The following KPNA3 variants were observed in gnomAD, a reference collection of about 807,000 sequenced individuals.
KPNA3 encodes importin subunit alpha-4.
KPNA3 carries 13 observed loss-of-function variants against 73.8 expected under a neutral mutation model. The ratio of observed to expected loss-of-function variants is 0.18; its 90% CI spans 0.11 to 0.28. The LOEUF (loss-of-function observed/expected upper bound fraction) is 0.28. Among genes scored for constraint, KPNA3 ranks in the 10% least tolerant of loss-of-function variants. The pLI is 1.00. For synonymous variants in KPNA3, 186 were observed against 206.9 expected, an observed-to-expected ratio of 0.90 and a Z score of 0.87; for missense variants, 360 against 618.1, an observed-to-expected ratio of 0.58 and a Z score of 4.43.
intron 12 of KPNA3, among the ~76,000 whole-genome samples, chr13:49,707,154 A>G (rs1303176972): frequency 6.6e-6 from 1 of 152,254 alleles, no homozygotes; most frequent in Admixed American, 6.5e-5. Context: ...TCATTCAAGT[A>G]TTCCATAAAA....
chr13:49,704,334 A>T (rs1954180003), intron 15 of KPNA3, among the ~76,000 whole-genome samples: 1 of 151,992 alleles, frequency 6.6e-6, no homozygotes, highest in African/African-American at 2.4e-5. Context: ...GAGGTAGGAG[A>T]ATTGCTTAAA....
intron 1 of KPNA3, 81 bp downstream of exon 1, chr13:49,792,357 G>A (rs1334020946): frequency 1.9e-5 from 18 of 961,824 alleles, no homozygotes; most frequent in Non-Finnish European, 2.4e-5. Context: ...ACGAGAACCA[G>A]CCCGGCGCCG....
chr13:49,731,619 C>G (rs1480889676), intron 6 of KPNA3, among the ~76,000 whole-genome samples: 2 of 152,046 alleles, frequency 1.3e-5, no homozygotes, highest in Non-Finnish European at 2.9e-5. Flanking sequence ...CCTTGGACAA[C>G]ATTTAGCAAA....
At position 49,792,511 on chromosome 13, in the gene KPNA3, G is replaced by A. The variant is rs1955043637; in HGVS notation, c.-5C>T. On this transcript the variant is annotated 5_prime_UTR_variant, in exon 1 of 17. Transcript: ENST00000261667. ...CAAGCTGGGGTTCTCGGCCATGGCTGCGCGCGGCTCCGGCGGCGGCTACTC... is the reference window on the plus strand; with the variant it reads ...CAAGCTGGGGTTCTCGGCCATGGCTACGCGCGGCTCCGGCGGCGGCTACTC... The A allele has an allele frequency of 1.3e-6, 2 of 1,568,150 alleles. No individual in the cohort carries two copies. Among genetic ancestry groups the A allele is most frequent in the Non-Finnish European group, 8.6e-7 (1 of 1,156,108 alleles).
chr13:49,737,909 A>C (rs560110231), intron 2 of KPNA3, among the ~76,000 whole-genome samples: 1 of 152,120 alleles, frequency 6.6e-6, no homozygotes, highest in Admixed American at 6.6e-5. Context: ...CACACAGCAA[A>C]ATTTTTAATT....
At position 49,792,496 on chromosome 13, in the gene KPNA3, T is replaced by C. The variant is rs775628381; in HGVS notation, c.11A>G (p.Asn4Ser). 6.3e-7 allele frequency: 1 copy of C among 1,578,954 alleles called. No homozygotes were observed. Among genetic ancestry groups the C allele is most frequent in the Non-Finnish European group, 8.6e-7 (1 of 1,164,298 alleles). MAE[N>S]PSLENHRIKS... Reference sequence around the variant, plus strand: ...GATGCGGTGGTTCTCCAAGCTGGGGTTCTCGGCCATGGCTGCGCGCGGCTC... The same window carrying C: ...GATGCGGTGGTTCTCCAAGCTGGGGCTCTCGGCCATGGCTGCGCGCGGCTC... The change falls in exon 1 of 17, where the codon AAC becomes AGC. Residue 4 changes from asparagine to serine, a missense_variant. Physicochemically the swap from Asn to Ser is conservative, Grantham distance 46 (BLOSUM62 1). This residue lies in a region of KPNA3 where 35 missense variants were observed against 30.0 expected (regional missense o/e 1.17). Coordinates refer to ENST00000261667, the MANE Select transcript of KPNA3 (RefSeq NM_002267.4).
intron 8 of KPNA3, 96 bp downstream of exon 8, chr13:49,722,381 C>A: frequency 1.2e-6 from 1 of 802,972 alleles, no homozygotes; most frequent in South Asian, 1.8e-5. Context: ...AGTCAACACA[C>A]ATTAAATTCA....
intron 1 of KPNA3, among the ~76,000 whole-genome samples, chr13:49,773,085 T>C (rs1954868396): frequency 6.6e-6 from 1 of 152,164 alleles, no homozygotes; most frequent in Non-Finnish European, 1.5e-5. Context: ...ATATTAATGT[T>C]AATATTAAGT....
chr13:49,710,908 G>T lies in KPNA3; in HGVS notation c.886C>A (p.Gln296Lys). ...VPFLVPLLSH[Q>K]EVKVQTAALR... The stretch of plus-strand genomic sequence containing the variant: ...ATACTTACTTGAACTTTGACTTCCT[G>T]ATGGCTCAGAAGGGGCACAAGAAAG... Residue 296 changes from glutamine (Q) to lysine (K), a missense_variant, in exon 11 of 17, where the codon CAG becomes AAG. Gln to Lys is a moderately conservative substitution (Grantham distance 53, BLOSUM62 1). This residue lies in a region of KPNA3 where 287 missense variants were observed against 549.1 expected (regional missense o/e 0.52). Coordinates refer to ENST00000261667, the MANE Select transcript of KPNA3 (RefSeq NM_002267.4). The T allele has an allele frequency of 6.2e-7, 1 of 1,613,126 alleles. No individual in the cohort carries two copies. Among genetic ancestry groups the T allele is most frequent in the African/African-American group, 1.3e-5 (1 of 74,954 alleles).
At chr13:49,746,554 A>G (rs994125271) in intron 2 of KPNA3, among the ~76,000 whole-genome samples, 1 of 152,232 alleles carries the variant, frequency 6.6e-6, no homozygotes, top group Admixed American at 6.5e-5. Context: ...AAGAAAATAC[A>G]ATAAATTTTA....
rs1338338105 is a variant in KPNA3, at chr13:49,732,766, G to T, written c.215C>A (p.Thr72Asn). The T allele has an allele frequency of 2.5e-6, 4 of 1,569,712 alleles. No homozygotes were observed. The highest frequency in any genetic ancestry group is 3.5e-6 in the Non-Finnish European group (4 of 1,150,042). The change falls in exon 4 of 17, where the codon ACC (threonine) becomes AAC (asparagine). Residue 72 changes from threonine to asparagine, a missense_variant. By Grantham distance (65) the Thr-to-Asn change is moderately conservative (BLOSUM62 0). This residue lies in a region of KPNA3 where 287 missense variants were observed against 549.1 expected (regional missense o/e 0.52). Coordinates refer to ENST00000261667, the MANE Select transcript of KPNA3 (RefSeq NM_002267.4). Reference protein sequence around the residue: ...VDADFKAQNVTLEAILQNATS... With the variant: ...VDADFKAQNVNLEAILQNATS... The stretch of plus-strand genomic sequence containing the variant: ...ACATACCTGCAATATAGCTTCTAGG[G>T]TTACATTTTGCTTAAAAAGAAAAAA...
At position 49,702,366 on chromosome 13, in the gene KPNA3, C is replaced by A; in HGVS notation, c.1467+20G>T. 1 of 1,186,944 alleles carries A rather than the reference C, an allele frequency of 8.4e-7. No individual in the cohort carries two copies. Among genetic ancestry groups the A allele is most frequent in the Non-Finnish European group, 1.2e-6 (1 of 806,760 alleles). The allele number at this position is 1,186,944 out of a possible 1,614,324, so 73.5% of individuals were successfully genotyped here. On this transcript the variant is annotated intron_variant, in intron 16 of 16. Transcript: ENST00000261667. The stretch of plus-strand genomic sequence containing the variant: ...GTTTTCATTTACATGAAGATACACG[C>A]TATTTTAATATCTACTTACATCATC...
intron 10 of KPNA3, among the ~76,000 whole-genome samples, chr13:49,716,530 C>T (rs538333392): frequency 6.6e-6 from 1 of 152,230 alleles, no homozygotes; most frequent in East Asian, 1.9e-4. Context: ...CCTCCACCTC[C>T]CCGACTCAAG....
chr13:49,733,067 G>A lies in KPNA3; in HGVS notation c.115-21C>T, dbSNP rs752705933. 6.2e-6 allele frequency: 9 copies of A among 1,461,462 alleles called. No individual in the cohort carries two copies. In the Admixed American group the frequency reaches 6.9e-5, roughly 11 times the overall value. 90.5% of individuals were successfully genotyped at this position (1,461,462 alleles called of 1,614,324 possible). Reference sequence around the variant, plus strand: ...TTGTTCTGAAAGGCAACCAATAAATGCTTAAGAAGTCATAAGGACTACTGT... The same window carrying A: ...TTGTTCTGAAAGGCAACCAATAAATACTTAAGAAGTCATAAGGACTACTGT... On this transcript the variant is annotated intron_variant, in intron 2 of 16. Transcript: ENST00000261667.
intron 2 of KPNA3, among the ~76,000 whole-genome samples, chr13:49,738,789 T>G (rs1242529930): frequency 6.6e-6 from 1 of 152,240 alleles, no homozygotes; most frequent in Admixed American, 6.5e-5. Flanking sequence ...CGGACAGTTT[T>G]AGTTCTTCCT....
chr13:49,740,533 C>T (rs1257932163), intron 2 of KPNA3, among the ~76,000 whole-genome samples: 3 of 152,072 alleles, frequency 2.0e-5, no homozygotes, highest in Non-Finnish European at 2.9e-5. Context: ...GATCTGATGG[C>T]TTTAAAAACA....
intron 10 of KPNA3, among the ~76,000 whole-genome samples, chr13:49,718,938 A>T (rs1358500762): frequency 6.6e-6 from 1 of 150,814 alleles, no homozygotes; most frequent in East Asian, 2.0e-4. Context: ...ACATATACAC[A>T]TATGTATGTA....
At chr13:49,740,238 C>A (rs1349668999) in intron 2 of KPNA3, among the ~76,000 whole-genome samples, 2 of 151,172 alleles carry the variant, frequency 1.3e-5, no homozygotes, top group East Asian at 3.9e-4. Flanking sequence ...CAGAATGAGA[C>A]CCCATCTCAG....
intron 1 of KPNA3, among the ~76,000 whole-genome samples, chr13:49,771,311 C>A (rs942195005): frequency 1.3e-5 from 2 of 152,150 alleles, no homozygotes; most frequent in African/African-American, 4.8e-5. Context: ...TTACTTAGAT[C>A]TTTCTTTCAA....
Sources: allele counts gnomAD v4.1 joint callset (sites outside exome capture counted in the v4.1 genomes callset), GRCh38; gene constraint gnomAD v4.1.1; regional missense constraint gnomAD v4.1.1; transcripts MANE v1.5; gene names NCBI Gene and HGNC (gene_info 2026-07-23, HGNC 2026-07-21).